PRRC2C: variants seen among roughly 807,000 people sequenced by gnomAD.
PRRC2C encodes the protein proline rich coiled-coil 2C.
A neutral mutation model predicts 317.2 loss-of-function variants in PRRC2C; 72 were observed. That is an observed-to-expected ratio of 0.23 (90% confidence interval 0.19 to 0.28). The LOEUF (loss-of-function observed/expected upper bound fraction) is 0.28, where lower values mean the gene tolerates loss of function less well. Among genes scored for constraint, PRRC2C ranks in the 10% least tolerant of loss-of-function variants. The pLI, the probability that PRRC2C is intolerant of heterozygous loss-of-function variation, is 1.00. For synonymous variants in PRRC2C, 1,296 were observed against 1,205.9 expected, an observed-to-expected ratio of 1.07 and a Z score of -1.55; for missense variants, 3,074 against 3,459.7, an observed-to-expected ratio of 0.89 and a Z score of 2.80.
At position 171,545,611 on chromosome 1, in the gene PRRC2C, A is replaced by G. The variant is rs757702156; in HGVS notation, c.4896A>G (p.Glu1632=). The G allele has an allele frequency of 1.2e-6, 2 of 1,612,734 alleles. No homozygotes were observed. Among genetic ancestry groups the G allele is most frequent in the Non-Finnish European group, 1.7e-6 (2 of 1,179,412 alleles). The change falls in exon 17 of 35, where the codon GAA becomes GAG. Residue 1632 remains glutamate (E), a synonymous_variant. Coordinates refer to ENST00000647382, the MANE Select transcript of PRRC2C (RefSeq NM_001387844.1). ...NSKDSTGKKR[E]DPKPGPKKPK... The stretch of plus-strand genomic sequence containing the variant: ...AAGATTCTACTGGGAAAAAAAGAGA[A>G]GACCCCAAACCAGGCCCTAAAAAAC...
intron 1 of PRRC2C, among the ~76,000 whole-genome samples, chr1:171,490,801 GA>G (rs1240411754): frequency 1.3e-5 from 2 of 152,162 alleles, no homozygotes; most frequent in Non-Finnish European, 2.9e-5. Context: ...GGGGAAGAGG[GA>G]AAATCTCTTG....
intron 23 of PRRC2C, among the ~76,000 whole-genome samples, chr1:171,570,324 C>T (rs1684555500): frequency 6.6e-6 from 1 of 152,116 alleles, no homozygotes; most frequent in Non-Finnish European, 1.5e-5. Flanking sequence ...TTGAAAATGG[C>T]TTATTTCTCT....
At chr1:171,579,996 TG>T in intron 28 of PRRC2C, 32 bp downstream of exon 28, 1 of 1,450,916 alleles carries the variant, frequency 6.9e-7, no homozygotes, top group South Asian at 1.6e-5. Context: ...TTTGTAATGA[TG>T]TTGAAAACAT....
chr1:171,585,039 AGT>A lies in PRRC2C; in HGVS notation c.7749+516_7749+517del, dbSNP rs1464554541. On this transcript the variant is annotated intron_variant, in intron 30 of 34. Coordinates refer to ENST00000647382, the MANE Select transcript of PRRC2C (RefSeq NM_001387844.1). ...CGATCTGCCTGCCTCGGCCTTCCAA[AGT>A]GTTGGGATTACAGGCTTGAGCCACC... Among the ~76,000 whole-genome samples the A allele has an allele frequency of 3.3e-5, 5 of 151,746 alleles. No homozygotes were observed. The South Asian group carries it at 1.0e-3, about 32-fold the overall frequency.
At chr1:171,576,846 G>A (rs928130464) in intron 25 of PRRC2C, among the ~76,000 whole-genome samples, 1 of 151,898 alleles carries the variant, frequency 6.6e-6, no homozygotes, top group African/African-American at 2.4e-5. Context: ...GCACCACCAT[G>A]CCCAACTAAT....
Position 171,532,259 on chromosome 1 carries a change from G to A in PRRC2C, c.1255-84G>A. On this transcript the variant is annotated intron_variant, in intron 11 of 34. Coordinates refer to ENST00000647382, the MANE Select transcript of PRRC2C (RefSeq NM_001387844.1). ...TCAGAGAAATTTCTGATATTTTTGT[G>A]GGGTTTTTCCTTCTCCATGCCTGAT... 4 of 1,380,516 alleles carry A rather than the reference G, an allele frequency of 2.9e-6. No homozygotes were observed. In the South Asian group the frequency reaches 6.1e-5, roughly 21 times the overall value. 85.5% of individuals were successfully genotyped at this position (1,380,516 alleles called of 1,614,324 possible).
At position 171,557,670 on chromosome 1, in the gene PRRC2C, C is replaced by G; in HGVS notation, c.5558C>G (p.Ala1853Gly). Residue 1853 changes from alanine to glycine, a missense_variant, in exon 19 of 35, where the codon GCT becomes GGT. Physicochemically the swap from Ala to Gly is moderately conservative, Grantham distance 60. Coordinates refer to ENST00000647382, the MANE Select transcript of PRRC2C (RefSeq NM_001387844.1). ...TPILASVSTP[A>G]SVTILASASI... Reference sequence around the variant, plus strand: ...ATCCTTGCCTCAGTTTCAACCCCAGCTTCTGTCACCATTCTTGCCTCAGCC... The same window carrying G: ...ATCCTTGCCTCAGTTTCAACCCCAGGTTCTGTCACCATTCTTGCCTCAGCC... 6.4e-7 allele frequency: 1 copy of G among 1,551,672 alleles called. No individual in the cohort carries two copies. Among genetic ancestry groups the G allele is most frequent in the Non-Finnish European group, 8.7e-7 (1 of 1,146,976 alleles).
In PRRC2C at chr1:171,540,710, A is replaced by T. The variant is rs1311071884; in HGVS notation, c.3244A>T (p.Ile1082Phe). 6.2e-7 allele frequency: 1 copy of T among 1,613,926 alleles called. No individual in the cohort carries two copies. Among genetic ancestry groups the T allele is most frequent in the East Asian group, 2.2e-5 (1 of 44,880 alleles). The change falls in exon 16 of 35, where the codon ATT becomes TTT. Residue 1082 changes from isoleucine to phenylalanine, a missense_variant. Transcript: ENST00000647382. Reference sequence around the variant, plus strand: ...TCAGCCACAGTCAGTTCCACCACCAATTCAACCAGAAGCAGAGAAATTTCC... The same window carrying T: ...TCAGCCACAGTCAGTTCCACCACCATTTCAACCAGAAGCAGAGAAATTTCC... ...PIQPQSVPPP[I>F]QPEAEKFPST...
intron 1 of PRRC2C, among the ~76,000 whole-genome samples, chr1:171,502,374 T>C (rs991309450): frequency 6.6e-6 from 1 of 152,178 alleles, no homozygotes; most frequent in South Asian, 2.1e-4. Context: ...AATTTTTTTT[T>C]AAAACTTTGG....
chr1:171,577,840 C>T (rs997012927), intron 26 of PRRC2C, among the ~76,000 whole-genome samples: 11 of 136,142 alleles, frequency 8.1e-5, no homozygotes, highest in Admixed American at 2.4e-4. Flanking sequence ...TGCAGTGACG[C>T]GGTCTTGGCT....
chr1:171,584,170 G>A lies in PRRC2C; in HGVS notation c.7624G>A (p.Asp2542Asn). Residue 2542 changes from aspartate (D) to asparagine (N), a missense_variant, in exon 29 of 35, where the codon GAC becomes AAC. By Grantham distance (23) the Asp-to-Asn change is conservative. Transcript: ENST00000647382. ...ASGLGGSQLI[D>N]THLLQARANL... is the part of the protein sequence containing the mutation. ...AGGACTAGGAGGTTCCCAGCTGATT[G>A]ACACACATCTTCTCCAGGTAAGTCA... 1 of 1,612,888 alleles carries A rather than the reference G, an allele frequency of 6.2e-7. No individual in the cohort carries two copies. The highest frequency in any genetic ancestry group is 1.7e-5 in the Admixed American group (1 of 60,010).
At chr1:171,537,808 T>A (rs1221925307) in intron 15 of PRRC2C, among the ~76,000 whole-genome samples, 2 of 152,126 alleles carry the variant, frequency 1.3e-5, no homozygotes, top group Non-Finnish European at 2.9e-5. Flanking sequence ...CAGGCTCAAG[T>A]GATCGGCTTA....
rs1178921367 is a variant in PRRC2C, at chr1:171,557,702, C to T, written c.5590C>T (p.Pro1864Ser). ...CACCATTCTTGCCTCAGCCTCAATT[C>T]CCATTCTTGCTTCAGCCCTAGCATC... ...SVTILASASI[P>S]ILASALASTS... The change falls in exon 19 of 35, where the codon CCC becomes TCC. Residue 1864 changes from proline (P) to serine (S), a missense_variant. Pro to Ser is a moderately conservative substitution (Grantham distance 74). Coordinates refer to ENST00000647382, the MANE Select transcript of PRRC2C (RefSeq NM_001387844.1). 1 of 1,551,366 alleles carries T rather than the reference C, an allele frequency of 6.4e-7. No individual in the cohort carries two copies. Among genetic ancestry groups the T allele is most frequent in the African/African-American group, 1.4e-5 (1 of 72,946 alleles).
intron 1 of PRRC2C, among the ~76,000 whole-genome samples, chr1:171,496,947 G>A (rs571607960): frequency 6.6e-6 from 1 of 152,020 alleles, no homozygotes; most frequent in Admixed American, 6.5e-5. Context: ...ACACGCATGT[G>A]CCACCACACC....
intron 6 of PRRC2C, among the ~76,000 whole-genome samples, chr1:171,519,295 T>C (rs61814660): frequency 0.011 from 1,618 of 152,354 alleles, 22 homozygotes; most frequent in Non-Finnish European, 0.019. Context: ...AATGCTGTTA[T>C]ACATAAAAAG....
intron 15 of PRRC2C, among the ~76,000 whole-genome samples, chr1:171,538,367 G>A (rs1016717795): frequency 1.3e-5 from 2 of 152,166 alleles, no homozygotes; most frequent in African/African-American, 2.4e-5. Flanking sequence ...TTTTCCATTA[G>A]TGAGATGTTT....
chr1:171,506,283 T>C (rs1670199145), intron 1 of PRRC2C, among the ~76,000 whole-genome samples: 1 of 152,250 alleles, frequency 6.6e-6, no homozygotes, highest in Non-Finnish European at 1.5e-5. Flanking sequence ...CATGTAGCTC[T>C]ACTGCTTGCA....
chr1:171,577,934 C>T lies in PRRC2C; in HGVS notation c.7159+297C>T, dbSNP rs185296938. Among the ~76,000 whole-genome samples, 542 of 145,594 alleles carry T rather than the reference C, an allele frequency of 3.7e-3. 4 individuals are homozygous for T. Among genetic ancestry groups the T allele is most frequent in the African/African-American group, 0.013 (502 of 39,664 alleles). On this transcript the variant is annotated intron_variant, in intron 26 of 34. Coordinates refer to ENST00000647382, the MANE Select transcript of PRRC2C (RefSeq NM_001387844.1). ...CTGGGGCCACAGGAGCACACCACCACACCCAGCTAATTTTTCTTTTTTTTT... is the reference window on the plus strand; with the variant it reads ...CTGGGGCCACAGGAGCACACCACCATACCCAGCTAATTTTTCTTTTTTTTT...
At chr1:171,562,839 A>C (rs370854740) in intron 20 of PRRC2C, among the ~76,000 whole-genome samples, 1 of 152,180 alleles carries the variant, frequency 6.6e-6, no homozygotes, top group Admixed American at 6.5e-5. Context: ...AAAGTGATGG[A>C]ATGGTATAAG....
Sources: gnomAD v4.1 joint callset for allele counts (sites outside exome capture counted in the v4.1 genomes callset) on GRCh38, gnomAD v4.1.1 for gene constraint, MANE v1.5 for transcripts, NCBI Gene and HGNC (gene_info 2026-07-23, HGNC 2026-07-21) for gene names.